The following SPRED1 variants were observed in gnomAD, a reference collection of about 807,000 sequenced individuals.
The protein encoded by SPRED1 is sprouty related EVH1 domain containing 1.
SPRED1 carries 18 observed loss-of-function variants against 52.3 expected under a neutral mutation model. The ratio of observed to expected loss-of-function variants is 0.34; its 90% CI spans 0.24 to 0.51. The LOEUF is 0.51. Ranked by LOEUF, SPRED1 falls within the 20% of genes least tolerant of loss-of-function variation. The pLI, the probability that SPRED1 is intolerant of heterozygous loss-of-function variation, is 0.97. For missense variants in SPRED1, 485 were observed against 551.0 expected, an observed-to-expected ratio of 0.88 and a Z score of 1.20; for synonymous variants, 155 against 179.7, an observed-to-expected ratio of 0.86 and a Z score of 1.10.
chr15:38,341,282 A>G (rs756817518), intron 5 of SPRED1, among the ~76,000 whole-genome samples: 2 of 151,636 alleles, frequency 1.3e-5, no homozygotes, highest in African/African-American at 2.4e-5. Context: ...ACTTTTTTAA[A>G]TGTTTGTTTT....
chr15:38,283,189 A>G (rs1029742010), intron 1 of SPRED1, among the ~76,000 whole-genome samples: 7 of 152,200 alleles, frequency 4.6e-5, no homozygotes, highest in African/African-American at 1.7e-4. Flanking sequence ...CTTCCTCACA[A>G]GGCGACAGGA....
chr15:38,278,724 A>G (rs993697869), intron 1 of SPRED1, among the ~76,000 whole-genome samples: 1 of 151,446 alleles, frequency 6.6e-6, no homozygotes, highest in Non-Finnish European at 1.5e-5. Flanking sequence ...TACAATGCAA[A>G]TGCTGTGTAA....
In SPRED1 at chr15:38,322,393, A is replaced by G; in HGVS notation, c.360A>G (p.Ile120Met). ...TTGATAGAGGTATCCGAAGAGCTATAGAGGATATTTCTCAAGGTAGGTATT... is the reference window on the plus strand; with the variant it reads ...TTGATAGAGGTATCCGAAGAGCTATGGAGGATATTTCTCAAGGTAGGTATT... ...RAFDRGIRRA[I>M]EDISQGCPES... The change falls in exon 3 of 7, where the codon ATA becomes ATG. Residue 120 changes from isoleucine (I) to methionine (M), a missense_variant. Physicochemically the swap from Ile to Met is conservative, Grantham distance 10. Coordinates refer to ENST00000299084, the MANE Select transcript of SPRED1 (RefSeq NM_152594.3). 1 of 1,613,776 alleles carries G rather than the reference A, an allele frequency of 6.2e-7. No homozygotes were observed. The highest frequency in any genetic ancestry group is 8.5e-7 in the Non-Finnish European group (1 of 1,179,806).
chr15:38,311,148 A>G (rs780091851), intron 2 of SPRED1, among the ~76,000 whole-genome samples: 5 of 152,150 alleles, frequency 3.3e-5, no homozygotes, highest in Non-Finnish European at 4.4e-5. Flanking sequence ...AATTTGTATC[A>G]TGACTAGATA....
At chr15:38,341,028 T>G (rs1165737125) in intron 5 of SPRED1, among the ~76,000 whole-genome samples, 1 of 147,244 alleles carries the variant, frequency 6.8e-6, no homozygotes, top group African/African-American at 2.5e-5. Context: ...GGTTTTGAAT[T>G]ACGGAATTAG....
intron 5 of SPRED1, among the ~76,000 whole-genome samples, chr15:38,342,925 GA>G (rs1896057137): frequency 6.6e-6 from 1 of 152,108 alleles, no homozygotes; most frequent in South Asian, 2.1e-4. Context: ...AATGAAAATT[GA>G]AACTATGAGG....
chr15:38,328,367 C>A (rs981754113), intron 4 of SPRED1, among the ~76,000 whole-genome samples: 2 of 152,130 alleles, frequency 1.3e-5, no homozygotes, highest in African/African-American at 4.8e-5. Context: ...ATTTCTGCAC[C>A]AATAACTGCT....
At chr15:38,254,140 A>G (rs528699370) in intron 1 of SPRED1, among the ~76,000 whole-genome samples, 115 of 152,326 alleles carry the variant, frequency 7.5e-4, no homozygotes, top group Admixed American at 2.2e-3. Flanking sequence ...GCAGAATATT[A>G]GCATCCGTTT....
intron 1 of SPRED1, among the ~76,000 whole-genome samples, chr15:38,289,819 C>A (rs752759986): frequency 2.0e-5 from 3 of 152,250 alleles, no homozygotes; most frequent in South Asian, 2.1e-4. Context: ...ACTGCCAGTA[C>A]CTTGATTTTA....
intron 2 of SPRED1, among the ~76,000 whole-genome samples, chr15:38,301,121 T>C (rs563281790): frequency 7.9e-4 from 120 of 152,180 alleles, no homozygotes; most frequent in African/African-American, 2.8e-3. Context: ...AAACAGAATA[T>C]TGGATATAGT....
rs1487600247 is a variant in SPRED1 at position 38,352,367 on chromosome 15, A to G, written c.*703A>G. On this transcript the variant is annotated 3_prime_UTR_variant, in exon 7 of 7. Coordinates refer to ENST00000299084, the MANE Select transcript of SPRED1 (RefSeq NM_152594.3). ...TCATCCTTATTTCTCTTTGGCTACA[A>G]TTTATATTGAGTTATATCTGTACAT... The G allele has an allele frequency of 6.6e-6, 1 of 152,340 alleles. No homozygotes were observed. The highest frequency in any genetic ancestry group is 1.5e-5 in the Non-Finnish European group (1 of 67,982). The allele number at this position is 152,340 out of a possible 1,614,324, so 9.4% of individuals were successfully genotyped here.
In SPRED1 at chr15:38,324,376, A is replaced by T. The variant is rs892170498; in HGVS notation, c.377-387A>T. Among the ~76,000 whole-genome samples the T allele has an allele frequency of 3.9e-5, 6 of 152,196 alleles. No individual in the cohort carries two copies. In the East Asian group the frequency reaches 9.6e-4, roughly 24 times the overall value. On this transcript the variant is annotated intron_variant, in intron 3 of 6. Transcript: ENST00000299084. ...ACTAAAATCCTGGTTATGGGTACTA[A>T]ATACTGTTTCCTGGGTCAAAGCATT...
At chr15:38,281,495 C>T (rs900817834) in intron 1 of SPRED1, among the ~76,000 whole-genome samples, 1 of 151,480 alleles carries the variant, frequency 6.6e-6, no homozygotes, top group African/African-American at 2.4e-5. Context: ...TGGGCTCAAG[C>T]GATTCTCCCC....
intron 1 of SPRED1, among the ~76,000 whole-genome samples, chr15:38,275,020 T>C (rs1215014578): frequency 6.6e-6 from 1 of 152,256 alleles, no homozygotes; most frequent in Admixed American, 6.5e-5. Context: ...TTGAGACTAA[T>C]AAATATCCTA....
chr15:38,276,008 C>T (rs566206193), intron 1 of SPRED1, among the ~76,000 whole-genome samples: 7 of 151,900 alleles, frequency 4.6e-5, no homozygotes, highest in East Asian at 1.9e-4. Context: ...TTTGTCTTGC[C>T]GGACAAGGAC....
At position 38,253,836 on chromosome 15, in the gene SPRED1, G is replaced by T. The variant is rs558450243; in HGVS notation, c.32+619G>T. Among the ~76,000 whole-genome samples, 4 of 152,270 alleles carry T rather than the reference G, an allele frequency of 2.6e-5. No homozygotes were observed. In the South Asian group the frequency reaches 6.2e-4, roughly 24 times the overall value. The stretch of plus-strand genomic sequence containing the variant: ...CGATGTTGAGCTAGAGTTTACCTTT[G>T]TGAATATTGGACGTGTCTTCAGGAA... On this transcript the variant is annotated intron_variant, in intron 1 of 6. Coordinates refer to ENST00000299084, the MANE Select transcript of SPRED1 (RefSeq NM_152594.3).
In SPRED1 at chr15:38,299,308, G is replaced by A. The variant is rs772636310; in HGVS notation, c.33-65G>A. 10 of 1,555,318 alleles carry A rather than the reference G, an allele frequency of 6.4e-6. No individual in the cohort carries two copies. The South Asian group carries it at 1.1e-4, about 17-fold the overall frequency. On this transcript the variant is annotated intron_variant, in intron 1 of 6. Coordinates refer to ENST00000299084, the MANE Select transcript of SPRED1 (RefSeq NM_152594.3). Reference sequence around the variant, plus strand: ...ATGTGTTCTTTGGTTTCTCAAACAAGACTGATGGCTTGGCTGTTTTTTGTT... The same window carrying A: ...ATGTGTTCTTTGGTTTCTCAAACAAAACTGATGGCTTGGCTGTTTTTTGTT...
At chr15:38,324,422 CATCTT>C (rs1309423113) in intron 3 of SPRED1, among the ~76,000 whole-genome samples, 3 of 152,148 alleles carry the variant, frequency 2.0e-5, no homozygotes, top group Non-Finnish European at 2.9e-5. Context: ...GAATAAATCA[CATCTT>C]AGCATCACCA....
chr15:38,346,437 A>G (rs1046254855), intron 5 of SPRED1, among the ~76,000 whole-genome samples: 2 of 152,192 alleles, frequency 1.3e-5, no homozygotes, highest in African/African-American at 2.4e-5. Context: ...CTGTAGACAA[A>G]TATGACAGCA....
Sources: gnomAD v4.1 joint callset for allele counts (sites outside exome capture counted in the v4.1 genomes callset) on GRCh38, gnomAD v4.1.1 for gene constraint, MANE v1.5 for transcripts, NCBI Gene and HGNC (gene_info 2026-07-23, HGNC 2026-07-21) for gene names.